Variants in ZNF585B observed in about 807,000 individuals in gnomAD.
ZNF585B encodes the protein zinc finger protein 585B.
In ZNF585B, 7 loss-of-function variants were observed where a neutral mutation model predicts 14.0. The observed-to-expected ratio is 0.50, with a 90% confidence interval of 0.28 to 0.94. The LOEUF is 0.94. ZNF585B is among the 40% of genes least tolerant of loss of function. ZNF585B has a pLI of 0.09. For missense variants in ZNF585B, 750 were observed against 924.4 expected (o/e 0.81, Z 2.45); for synonymous variants, 290 against 317.3 (o/e 0.91, Z 0.91).
Position 37,207,267 on chromosome 19 carries a change from T to C in ZNF585B, c.-143-13A>G. 2 of 1,451,044 alleles carry C rather than the reference T, an allele frequency of 1.4e-6. No individual in the cohort carries two copies. Among genetic ancestry groups the C allele is most frequent in the African/African-American group, 1.4e-5 (1 of 70,414 alleles). 89.9% of individuals were successfully genotyped at this position (1,451,044 alleles called of 1,614,324 possible). ...GACACCCAAGAACCTAGAAAAACAA[T>C]GTCCACGTAGTCATTCAACATTCAC... is the stretch of plus-strand genomic sequence containing the variant. On this transcript the variant is annotated splice_polypyrimidine_tract_variant and intron_variant, in intron 1 of 4. Coordinates refer to ENST00000532828, the MANE Select transcript of ZNF585B (RefSeq NM_152279.4).
chr19:37,189,219 T>C (rs903676239), intron 4 of ZNF585B, among the ~76,000 whole-genome samples: 1 of 152,176 alleles, frequency 6.6e-6, no homozygotes, highest in Non-Finnish European at 1.5e-5. Flanking sequence ...ATTACAGGCA[T>C]GAGCAACTGT....
intron 2 of ZNF585B, among the ~76,000 whole-genome samples, chr19:37,205,152 C>T (rs1176498915): frequency 6.6e-6 from 1 of 152,100 alleles, no homozygotes; most frequent in East Asian, 1.9e-4. Flanking sequence ...ATCCTCCCAC[C>T]CTGGCTTTCC....
chr19:37,205,072 A>T (rs1373220681), intron 2 of ZNF585B, among the ~76,000 whole-genome samples: 6 of 150,752 alleles, frequency 4.0e-5, no homozygotes, highest in African/African-American at 1.2e-4. Context: ...ATTTAATTAA[A>T]TTTTTTTTTT....
chr19:37,187,753 T>C (rs1305653005), intron 4 of ZNF585B, among the ~76,000 whole-genome samples: 1 of 152,138 alleles, frequency 6.6e-6, no homozygotes, highest in African/African-American at 2.4e-5. Context: ...AAATGGCTTA[T>C]CCAGCTTGAA....
chr19:37,196,115 A>G (rs1972463437), intron 2 of ZNF585B: 1 of 152,216 alleles, frequency 6.6e-6, no homozygotes, highest in Non-Finnish European at 1.5e-5. Flanking sequence ...TTCCAAATTA[A>G]CTTTGTACAG....
Position 37,183,098 on chromosome 19 carries a change from T to C in ZNF585B, c.*2129A>G, listed in dbSNP as rs1225807679. 1 of 152,128 alleles carries C rather than the reference T, an allele frequency of 6.6e-6. No homozygotes were observed. The highest frequency in any genetic ancestry group is 6.6e-5 in the Admixed American group (1 of 15,266). The allele number at this position is 152,128 out of a possible 1,614,324, so 9.4% of individuals were successfully genotyped here. A position where few individuals can be genotyped will look rare whatever the true frequency, so the allele number is the denominator to read the frequency against. ...AAAATGAGCAGGGAGTCTTTTGCAA[T>C]CATGTTGGAGCTGTGGGATTCTGGA... On this transcript the variant is annotated 3_prime_UTR_variant, in exon 5 of 5. Coordinates refer to ENST00000532828, the MANE Select transcript of ZNF585B (RefSeq NM_152279.4).
In ZNF585B at chr19:37,184,463, A is replaced by AG. The variant is rs1568504987; in HGVS notation, c.*763dup. On this transcript the variant is annotated 3_prime_UTR_variant, in exon 5 of 5. Coordinates refer to ENST00000532828, the MANE Select transcript of ZNF585B (RefSeq NM_152279.4). ...AAGAAGGAAAGAAAGAAAGAAAGAA[A>AG]GAAAGAAAGAAAGAAAGAAAGAAAG... 1 of 117,974 alleles carries AG rather than the reference A, an allele frequency of 8.5e-6. No homozygotes were observed. The highest frequency in any genetic ancestry group is 3.4e-5 in the African/African-American group (1 of 29,478). The allele number at this position is 117,974 out of a possible 1,614,324, so 7.3% of individuals were successfully genotyped here.
At chr19:37,199,401 T>C (rs1261164171) in intron 2 of ZNF585B, 3 of 420,020 alleles carry the variant, frequency 7.1e-6, no homozygotes, top group Non-Finnish European at 1.4e-5. Flanking sequence ...GGCGCGTACC[T>C]GTAGTCCCAG....
At chr19:37,198,076 C>T (rs1972488605) in intron 2 of ZNF585B, among the ~76,000 whole-genome samples, 1 of 151,998 alleles carries the variant, frequency 6.6e-6, no homozygotes. Flanking sequence ...ATTTAGCTGA[C>T]AGGATATATA....
At chr19:37,207,564 A>C (rs1972598667) in intron 1 of ZNF585B, among the ~76,000 whole-genome samples, 1 of 152,242 alleles carries the variant, frequency 6.6e-6, no homozygotes, top group South Asian at 2.1e-4. Context: ...AAGCCATGAA[A>C]TTTAGAGTAA....
chr19:37,202,639 G>GT (rs1555779551), intron 2 of ZNF585B, among the ~76,000 whole-genome samples: 39 of 142,202 alleles, frequency 2.7e-4, no homozygotes, highest in African/African-American at 7.1e-4. Flanking sequence ...ATATTTGCAT[G>GT]GTTTTTTTTT....
chr19:37,185,025 G>C lies in ZNF585B; in HGVS notation c.*202C>G. ...CTTGTCAGTATGAATAATGACCCAAGGTTTACTGGGGATGGTGACAATGTA... is the reference window on the plus strand; with the variant it reads ...CTTGTCAGTATGAATAATGACCCAACGTTTACTGGGGATGGTGACAATGTA... On this transcript the variant is annotated 3_prime_UTR_variant, in exon 5 of 5. Transcript: ENST00000532828. 1.9e-6 allele frequency: 1 copy of C among 520,606 alleles called. No individual in the cohort carries two copies. The highest frequency in any genetic ancestry group is 3.4e-6 in the Non-Finnish European group (1 of 296,154). 32.2% of individuals were successfully genotyped at this position (520,606 alleles called of 1,614,324 possible).
chr19:37,192,917 C>G (rs945974213), intron 2 of ZNF585B, among the ~76,000 whole-genome samples: 1 of 148,944 alleles, frequency 6.7e-6, no homozygotes, highest in Non-Finnish European at 1.5e-5. Flanking sequence ...GGGTGGATCA[C>G]GAGGTCAGGA....
chr19:37,197,258 GC>G (rs1200396663), intron 2 of ZNF585B, among the ~76,000 whole-genome samples: 1 of 151,490 alleles, frequency 6.6e-6, no homozygotes, highest in African/African-American at 2.4e-5. Flanking sequence ...GTGATAGTTT[GC>G]TCAGAATGAT....
Position 37,184,736 on chromosome 19 carries a change from G to T in ZNF585B, c.*491C>A. The T allele has an allele frequency of 2.9e-6, 1 of 342,426 alleles. No individual in the cohort carries two copies. The highest frequency in any genetic ancestry group is 5.3e-6 in the Non-Finnish European group (1 of 190,446). The allele number at this position is 342,426 out of a possible 1,614,324, so 21.2% of individuals were successfully genotyped here. On this transcript the variant is annotated 3_prime_UTR_variant, in exon 5 of 5. Transcript: ENST00000532828. ...AAATACTCAATGGGGAATTGGATAT[G>T]CACAACTGTGTTCGATTCAAAAGAA...
chr19:37,188,029 G>A (rs1048231030), intron 4 of ZNF585B, among the ~76,000 whole-genome samples: 1 of 152,088 alleles, frequency 6.6e-6, no homozygotes, highest in Admixed American at 6.6e-5. Context: ...AGTGGCTTCT[G>A]GTGGGAAGGC....
chr19:37,191,447 G>A lies in ZNF585B; in HGVS notation c.73-1297C>T, dbSNP rs141851292. On this transcript the variant is annotated intron_variant, in intron 2 of 4. Transcript: ENST00000532828. ...AGCCTGGCCAACATGGTGAAATGCC[G>A]TCTCTATTAAAAATACAAAAAATTA... Among the ~76,000 whole-genome samples, 962 of 151,854 alleles carry A rather than the reference G, an allele frequency of 6.3e-3. 28 individuals are homozygous for A. The highest frequency in any genetic ancestry group is 0.052 in the East Asian group (269 of 5,130).
At position 37,186,794 on chromosome 19, in the gene ZNF585B, CCA is replaced by C. The variant is rs780549462; in HGVS notation, c.741_742del (p.Cys247TrpfsTer27). 5.0e-6 allele frequency: 8 copies of C among 1,614,106 alleles called. No homozygotes were observed. In the Admixed American group the frequency reaches 1.3e-4, roughly 27 times the overall value. On this transcript the variant is annotated frameshift_variant, in exon 5 of 5. Transcript: ENST00000532828. LOFTEE classifies it low-confidence loss of function (END_TRUNC). The stretch of plus-strand genomic sequence containing the variant: ...TGTGGACTTTTGTGTGAACGCTTTG[CCA>C]CAGTCAGTGCATTCATGGTGTCTCT...
In ZNF585B at chr19:37,185,774, A is replaced by G; in HGVS notation, c.1763T>C (p.Ile588Thr). 1.9e-6 allele frequency: 3 copies of G among 1,594,372 alleles called. No individual in the cohort carries two copies. Among genetic ancestry groups the G allele is most frequent in the Non-Finnish European group, 2.6e-6 (3 of 1,169,522 alleles). Residue 588 changes from isoleucine to threonine, a missense_variant, in exon 5 of 5, where the codon ATC (isoleucine) becomes ACC (threonine). Physicochemically the swap from Ile to Thr is moderately conservative, Grantham distance 89 (BLOSUM62 -1). This residue lies in a region of ZNF585B where 233 missense variants were observed against 354.1 expected (regional missense o/e 0.66). Coordinates refer to ENST00000532828, the MANE Select transcript of ZNF585B (RefSeq NM_152279.4). ...ATGAGTAATAAAGTTTGACTTGCGG[A>G]TGAAAGCTCTTCCACACTCAGTGCA... ...YVCTECGRAFIRKSNFITHQR... is the reference protein window; with the variant it reads ...YVCTECGRAFTRKSNFITHQR...
Sources: allele counts gnomAD v4.1 joint callset (sites outside exome capture counted in the v4.1 genomes callset), GRCh38; gene constraint gnomAD v4.1.1; regional missense constraint gnomAD v4.1.1; transcripts MANE v1.5; gene names NCBI Gene and HGNC (gene_info 2026-07-23, HGNC 2026-07-21).